Variants in GRM3 observed in about 807,000 individuals in gnomAD.
The protein encoded by GRM3 is glutamate metabotropic receptor 3.
A neutral mutation model predicts 70.5 loss-of-function variants in GRM3; 26 were observed. That is an observed-to-expected ratio of 0.37 (90% CI 0.27 to 0.51). The LOEUF is 0.51. Ranked by LOEUF, GRM3 falls within the 20% of genes least tolerant of loss-of-function variation. The pLI is 0.93. For synonymous variants in GRM3, 443 were observed against 434.9 expected (o/e 1.02, Z -0.23); for missense variants, 859 against 1,123.8 (o/e 0.76, Z 3.37).
chr7:86,679,303 C>T (rs1794387015), intron 1 of GRM3, among the ~76,000 whole-genome samples: 1 of 151,922 alleles, frequency 6.6e-6, no homozygotes, highest in Non-Finnish European at 1.5e-5. Flanking sequence ...AATATACATA[C>T]ACAAATATAT....
intron 3 of GRM3, among the ~76,000 whole-genome samples, chr7:86,836,104 A>G (rs1269268771): frequency 6.6e-6 from 1 of 152,220 alleles, no homozygotes; most frequent in Admixed American, 6.5e-5. Context: ...ATTATTAAAA[A>G]GATAAAAATA....
chr7:86,720,594 C>T (rs989955861), intron 1 of GRM3, among the ~76,000 whole-genome samples: 8 of 152,068 alleles, frequency 5.3e-5, no homozygotes, highest in Admixed American at 2.0e-4. Context: ...ATGACAGAGT[C>T]CAGAGCCTCC....
chr7:86,718,960 A>T (rs2116216515), intron 1 of GRM3, among the ~76,000 whole-genome samples: 2 of 151,998 alleles, frequency 1.3e-5, no homozygotes, highest in South Asian at 4.2e-4. Flanking sequence ...GCAAGGTAGA[A>T]TTGAAAACAT....
At chr7:86,788,218 A>G (rs1053343590) in intron 3 of GRM3, among the ~76,000 whole-genome samples, 4 of 152,212 alleles carry the variant, frequency 2.6e-5, no homozygotes, top group Admixed American at 6.5e-5. Flanking sequence ...CCATTGGCGC[A>G]AATGGCAGTT....
intron 1 of GRM3, among the ~76,000 whole-genome samples, chr7:86,648,314 A>T (rs1009472538): frequency 6.6e-6 from 1 of 152,220 alleles, no homozygotes; most frequent in Admixed American, 6.5e-5. Flanking sequence ...GTGGATGCAC[A>T]TTATGAGACA....
At chr7:86,650,464 T>C (rs1484100080) in intron 1 of GRM3, among the ~76,000 whole-genome samples, 1 of 152,056 alleles carries the variant, frequency 6.6e-6, no homozygotes, top group East Asian at 1.9e-4. Flanking sequence ...GGGCAAACAA[T>C]AATCAATGAA....
At chr7:86,669,917 G>A (rs1270929996) in intron 1 of GRM3, among the ~76,000 whole-genome samples, 1 of 152,046 alleles carries the variant, frequency 6.6e-6, no homozygotes, top group East Asian at 1.9e-4. Context: ...CCACACTACT[G>A]AATATTTTCC....
intron 1 of GRM3, among the ~76,000 whole-genome samples, chr7:86,757,301 T>C (rs890320208): frequency 2.0e-5 from 3 of 152,212 alleles, no homozygotes; most frequent in Admixed American, 6.5e-5. Flanking sequence ...CTTTAAGAGT[T>C]TGAGTTTTGT....
At chr7:86,666,042 C>T (rs61398217) in intron 1 of GRM3, among the ~76,000 whole-genome samples, 3,203 of 152,028 alleles carry the variant, frequency 0.021, 118 homozygotes, top group African/African-American at 0.072. Context: ...TTCTGAGAGT[C>T]ATGAAGTTAG....
At chr7:86,649,685 T>C (rs1213363610) in intron 1 of GRM3, among the ~76,000 whole-genome samples, 1 of 152,048 alleles carries the variant, frequency 6.6e-6, no homozygotes, top group Non-Finnish European at 1.5e-5. Flanking sequence ...ATACATAGTT[T>C]GAAAAAAACT....
At chr7:86,705,692 T>C (rs988079151) in intron 1 of GRM3, among the ~76,000 whole-genome samples, 2 of 152,074 alleles carry the variant, frequency 1.3e-5, no homozygotes, top group African/African-American at 4.8e-5. Context: ...GATCAAATGC[T>C]GCAAACAAAA....
chr7:86,787,918 A>G (rs902973454), intron 3 of GRM3, among the ~76,000 whole-genome samples: 9 of 152,332 alleles, frequency 5.9e-5, no homozygotes, highest in East Asian at 3.9e-4. Flanking sequence ...CTACGTAAAA[A>G]GCACAAAATC....
At chr7:86,747,066 A>G (rs1796120126) in intron 1 of GRM3, among the ~76,000 whole-genome samples, 1 of 152,104 alleles carries the variant, frequency 6.6e-6, no homozygotes, top group African/African-American at 2.4e-5. Flanking sequence ...AAGCACTCAT[A>G]GGAGTTGGAA....
rs575251384 is a variant in GRM3, at chr7:86,801,167, T to C, written c.1324+14051T>C. ...CTCACTGCAACCTCTGCCTCCCGAG[T>C]TCAAGCAATTCTCCTGCCTCAGCGT... On this transcript the variant is annotated intron_variant, in intron 3 of 5. Coordinates refer to ENST00000361669, the MANE Select transcript of GRM3 (RefSeq NM_000840.3). Among the ~76,000 whole-genome samples the C allele has an allele frequency of 4.8e-5, 7 of 146,890 alleles. No homozygotes were observed. In the South Asian group the frequency reaches 1.5e-3, roughly 31 times the overall value.
chr7:86,664,459 G>A (rs186307522), intron 1 of GRM3, among the ~76,000 whole-genome samples: 2 of 152,026 alleles, frequency 1.3e-5, no homozygotes, highest in East Asian at 3.9e-4. Context: ...CTACTATTAT[G>A]TCAATATATC....
Position 86,790,847 on chromosome 7 carries a change from C to G in GRM3, c.1324+3731C>G, listed in dbSNP as rs139797212. ...TGAGACCTACTCTGGCCATTCTTAA[C>G]AGTGTAATGCATTACCCCCAACCCC... On this transcript the variant is annotated intron_variant, in intron 3 of 5. Coordinates refer to ENST00000361669, the MANE Select transcript of GRM3 (RefSeq NM_000840.3). 2.4e-3 allele frequency among the ~76,000 whole-genome samples: 360 copies of G among 152,230 alleles called. 1 individual carries two copies. Among genetic ancestry groups the G allele is most frequent in the Non-Finnish European group, 3.6e-3 (242 of 68,002 alleles).
At chr7:86,751,839 C>T (rs984434829) in intron 1 of GRM3, among the ~76,000 whole-genome samples, 8 of 152,120 alleles carry the variant, frequency 5.3e-5, no homozygotes, top group African/African-American at 1.9e-4. Flanking sequence ...TAGGACTTCT[C>T]ACCAGGCATT....
At chr7:86,669,797 A>G (rs1240004235) in intron 1 of GRM3, among the ~76,000 whole-genome samples, 1 of 152,188 alleles carries the variant, frequency 6.6e-6, no homozygotes, top group African/African-American at 2.4e-5. Context: ...TCTTACCTTT[A>G]TGATTAAGCT....
chr7:86,805,080 C>T (rs1289774219), intron 3 of GRM3, among the ~76,000 whole-genome samples: 2 of 152,096 alleles, frequency 1.3e-5, no homozygotes, highest in African/African-American at 2.4e-5. Flanking sequence ...CACCACTGCA[C>T]TCCAGCCTGA....
Sources: gnomAD v4.1 joint callset for allele counts (sites outside exome capture counted in the v4.1 genomes callset) on GRCh38, gnomAD v4.1.1 for gene constraint, MANE v1.5 for transcripts, NCBI Gene and HGNC (gene_info 2026-07-23, HGNC 2026-07-21) for gene names.